The following CSMD1 variants were observed in gnomAD, a reference collection of about 807,000 sequenced individuals.
The protein encoded by CSMD1 is CUB and sushi domain-containing protein 1.
A neutral mutation model predicts 417.5 loss-of-function variants in CSMD1; 213 were observed. The ratio of observed to expected loss-of-function variants is 0.51; its 90% CI spans 0.46 to 0.57. CSMD1 has a LOEUF of 0.57. Ranked by LOEUF, CSMD1 falls within the 20% of genes least tolerant of loss-of-function variation. The pLI, the probability that CSMD1 is intolerant of heterozygous loss-of-function variation, is 0.00. For missense variants in CSMD1, 6,923 were observed against 4,529.7 expected (o/e 1.53, Z -15.17); for synonymous variants, 2,862 against 1,736.8 (o/e 1.65, Z -16.11).
intron 4 of CSMD1, among the ~76,000 whole-genome samples, chr8:4,017,380 A>C (rs1049546716): frequency 6.6e-6 from 1 of 152,124 alleles, no homozygotes; most frequent in African/African-American, 2.4e-5. Flanking sequence ...ATCTTGGCTC[A>C]CTACAACCTC....
At chr8:4,236,575 T>C (rs1466225044) in intron 3 of CSMD1, among the ~76,000 whole-genome samples, 2 of 152,186 alleles carry the variant, frequency 1.3e-5, no homozygotes, top group East Asian at 1.9e-4. Flanking sequence ...AAGTTTTCAA[T>C]ACTAAATGAG....
At chr8:3,118,756 T>G (rs528454247) in intron 41 of CSMD1, among the ~76,000 whole-genome samples, 169 bp from the exon 42 acceptor site, 8 of 152,216 alleles carry the variant, frequency 5.3e-5, no homozygotes, top group African/African-American at 7.2e-5. Flanking sequence ...ATAATTATTA[T>G]TAGTAGTAGT....
intron 3 of CSMD1, among the ~76,000 whole-genome samples, chr8:4,202,909 C>A (rs1401814092): frequency 2.6e-5 from 4 of 152,108 alleles, no homozygotes; most frequent in South Asian, 2.1e-4. Flanking sequence ...ACTGTGTGGA[C>A]ACCTGGAGTG....
chr8:3,139,913 T>C (rs1033297129), intron 41 of CSMD1, among the ~76,000 whole-genome samples: 5 of 150,224 alleles, frequency 3.3e-5, no homozygotes, highest in Non-Finnish European at 5.9e-5. Context: ...TTCTTTTTTT[T>C]TTTTTTTTAG....
intron 3 of CSMD1, among the ~76,000 whole-genome samples, chr8:4,218,264 G>C (rs1800804972): frequency 6.6e-6 from 1 of 152,104 alleles, no homozygotes; most frequent in South Asian, 2.1e-4. Context: ...TGAATTGCGT[G>C]TGACAATAGC....
chr8:3,038,721 C>T (rs1810868920), intron 50 of CSMD1, among the ~76,000 whole-genome samples: 2 of 152,034 alleles, frequency 1.3e-5, no homozygotes, highest in Admixed American at 6.5e-5. Context: ...GTATTCTTTC[C>T]TAATTGCCCT....
chr8:4,904,919 A>G (rs971186886), intron 1 of CSMD1, among the ~76,000 whole-genome samples: 4 of 152,182 alleles, frequency 2.6e-5, no homozygotes, highest in African/African-American at 4.8e-5. Context: ...GCACTTCTGT[A>G]GAATACTGTC....
At chr8:2,940,186 G>C (rs1014254334) in intron 69 of CSMD1, among the ~76,000 whole-genome samples, 1 of 152,226 alleles carries the variant, frequency 6.6e-6, no homozygotes, top group Non-Finnish European at 1.5e-5. Context: ...TCCTGACCAG[G>C]TGGTGAGAAC....
intron 3 of CSMD1, among the ~76,000 whole-genome samples, chr8:4,159,326 A>G (rs539037238): frequency 8.5e-4 from 129 of 152,328 alleles, no homozygotes; most frequent in African/African-American, 2.9e-3. Flanking sequence ...AATGTCCATT[A>G]TTAGTACTCA....
At chr8:3,872,838 C>T (rs1174542170) in intron 5 of CSMD1, among the ~76,000 whole-genome samples, 1 of 124,906 alleles carries the variant, frequency 8.0e-6, no homozygotes, top group African/African-American at 3.2e-5. Context: ...TAAGACAGCT[C>T]CAAAAAAAAA....
At chr8:3,946,246 A>G (rs1261397013) in intron 5 of CSMD1, among the ~76,000 whole-genome samples, 1 of 152,188 alleles carries the variant, frequency 6.6e-6, no homozygotes, top group Admixed American at 6.5e-5. Context: ...GCATCTTGAT[A>G]TTGTAATTTC....
At chr8:4,749,065 T>C (rs1215188417) in intron 1 of CSMD1, among the ~76,000 whole-genome samples, 2 of 152,200 alleles carry the variant, frequency 1.3e-5, no homozygotes, top group Non-Finnish European at 2.9e-5. Context: ...CGTGTGTGTG[T>C]GTGTGAGCGC....
intron 4 of CSMD1, among the ~76,000 whole-genome samples, chr8:4,030,129 G>A (rs1057067672): frequency 2.0e-5 from 3 of 152,164 alleles, no homozygotes; most frequent in African/African-American, 7.2e-5. Context: ...TTTTCCAGGT[G>A]CATGATGCAA....
intron 23 of CSMD1, among the ~76,000 whole-genome samples, chr8:3,310,068 G>C (rs1271256648): frequency 6.6e-6 from 1 of 152,100 alleles, no homozygotes; most frequent in Non-Finnish European, 1.5e-5. Flanking sequence ...ATCCATCTTG[G>C]TGCAAAACAA....
In CSMD1 at chr8:4,750,970, T is replaced by C. The variant is rs186893866; in HGVS notation, c.86-113412A>G. On this transcript the variant is annotated intron_variant, in intron 1 of 69. Transcript: ENST00000635120. ...TACAGCCATGTCTGTATTGACACTT[T>C]AAGGGAAGGCTTTAACCTGGATTGT... Among the ~76,000 whole-genome samples the C allele has an allele frequency of 2.0e-5, 3 of 152,354 alleles. No individual in the cohort carries two copies. The East Asian group carries it at 5.8e-4, about 29-fold the overall frequency.
intron 6 of CSMD1, among the ~76,000 whole-genome samples, chr8:3,735,655 G>T (rs7840994): frequency 1.2e-4 from 18 of 152,112 alleles, no homozygotes; most frequent in African/African-American, 3.9e-4. Flanking sequence ...GGTTCACTCG[G>T]CTGAGAAATG....
intron 3 of CSMD1, among the ~76,000 whole-genome samples, chr8:4,067,431 T>C (rs1799309380): frequency 1.3e-5 from 2 of 152,202 alleles, no homozygotes; most frequent in Admixed American, 1.3e-4. Context: ...TCCCAGAGAA[T>C]TTATTATTGT....
chr8:4,867,671 A>G lies in CSMD1; in HGVS notation c.85+126661T>C, dbSNP rs552936254. Among the ~76,000 whole-genome samples, 21 of 152,252 alleles carry G rather than the reference A, an allele frequency of 1.4e-4. No individual in the cohort carries two copies. The South Asian group carries it at 3.5e-3, about 26-fold the overall frequency. ...TGGAAATAGAATGATGGTGCTGAGA[A>G]AAGTTATATGTTTAGAATCCCTTGA... On this transcript the variant is annotated intron_variant, in intron 1 of 69. Transcript: ENST00000635120.
intron 7 of CSMD1, among the ~76,000 whole-genome samples, chr8:3,638,122 T>G (rs933609695): frequency 6.6e-6 from 1 of 152,158 alleles, no homozygotes; most frequent in African/African-American, 2.4e-5. Flanking sequence ...CCCAAGCAGG[T>G]TGAGTCTTAA....
Sources: allele counts gnomAD v4.1 joint callset (sites outside exome capture counted in the v4.1 genomes callset), GRCh38; gene constraint gnomAD v4.1.1; transcripts MANE v1.5; gene names NCBI Gene and HGNC (gene_info 2026-07-23, HGNC 2026-07-21).